APCDD1L: variants seen among roughly 807,000 people sequenced by gnomAD.
The protein encoded by APCDD1L is protein APCDD1-like.
A neutral mutation model predicts 24.2 loss-of-function variants in APCDD1L; 21 were observed. That is an observed-to-expected ratio of 0.87 (90% CI 0.61 to 1.25). The LOEUF is 1.25. Among genes scored for constraint, APCDD1L ranks in the 50% most tolerant of loss-of-function variants. APCDD1L has a pLI of 0.00. For missense variants in APCDD1L, 704 were observed against 711.7 expected (o/e 0.99, Z 0.12); for synonymous variants, 321 against 323.6 (o/e 0.99, Z 0.09).
Position 58,467,208 on chromosome 20 carries a change from G to C in APCDD1L, c.639C>G (p.Pro213=). ...RRLQPQPRAS[P]RLVEELYLGD... is the part of the protein sequence containing the mutation. The stretch of plus-strand genomic sequence containing the variant: ...CCAGGTACAGCTCCTCCACCAGCCG[G>C]GGCGACGCCCGGGGCTGCGGCTGCA... The change falls in exon 3 of 4, where the codon CCC becomes CCG. Residue 213 remains proline, a synonymous_variant. Transcript: ENST00000371149. This position sits in a 1 kb window ranked among gnomAD's most constrained non-coding sequence, Gnocchi z 5.9. 6.2e-7 allele frequency: 1 copy of C among 1,603,968 alleles called. No individual in the cohort carries two copies. The highest frequency in any genetic ancestry group is 8.5e-7 in the Non-Finnish European group (1 of 1,178,888).
At chr20:58,505,146 A>G (rs550935409) in intron 1 of APCDD1L, among the ~76,000 whole-genome samples, 89 of 152,072 alleles carry the variant, frequency 5.9e-4, no homozygotes, top group Non-Finnish European at 1.2e-3. Flanking sequence ...TTTTTATTTA[A>G]AAAAAGGATG....
At chr20:58,469,839 T>C (rs917868669) in intron 2 of APCDD1L, among the ~76,000 whole-genome samples, 1 of 152,328 alleles carries the variant, frequency 6.6e-6, no homozygotes, top group Non-Finnish European at 1.5e-5. Context: ...GGGACTGGCC[T>C]GGAGGGGATG....
At position 58,507,990 on chromosome 20, in the gene APCDD1L, T is replaced by A. The variant is rs560812900; in HGVS notation, c.49+6669A>T. Among the ~76,000 whole-genome samples the A allele has an allele frequency of 2.0e-5, 3 of 152,270 alleles. No individual in the cohort carries two copies. The East Asian group carries it at 5.8e-4, about 29-fold the overall frequency. On this transcript the variant is annotated intron_variant, in intron 1 of 3. Transcript: ENST00000371149. ...TAAGAAGTAATAATACAAGGGTTAG[T>A]GAAGATGTAAGAAATGAGTGCTCTC... is the stretch of plus-strand genomic sequence containing the variant.
At chr20:58,480,948 G>GT (rs1990013961) in intron 1 of APCDD1L, among the ~76,000 whole-genome samples, 1 of 152,222 alleles carries the variant, frequency 6.6e-6, no homozygotes, top group Non-Finnish European at 1.5e-5. Context: ...ATGTTCCGGT[G>GT]TTTTGGAGAC....
At position 58,494,276 on chromosome 20, in the gene APCDD1L, T is replaced by G. The variant is rs1990278193; in HGVS notation, c.49+20383A>C. Among the ~76,000 whole-genome samples the G allele has an allele frequency of 7.6e-6, 1 of 131,522 alleles. No individual in the cohort carries two copies. Among genetic ancestry groups the G allele is most frequent in the Non-Finnish European group, 1.6e-5 (1 of 61,090 alleles). The allele number at this position is 131,522 out of a possible 152,430, so 86.3% of individuals were successfully genotyped here. On this transcript the variant is annotated intron_variant, in intron 1 of 3. Transcript: ENST00000371149. The surrounding 1 kb of genome is among the most constrained non-coding windows in gnomAD (Gnocchi z 4.8). ...TCAACTGCATTTCTTTTTTCTTTTC[T>G]TTTCTTTTCTTACTTTTCTTTTCTC...
intron 1 of APCDD1L, among the ~76,000 whole-genome samples, chr20:58,489,611 G>C (rs1773895944): frequency 6.6e-6 from 1 of 151,838 alleles, no homozygotes; most frequent in Non-Finnish European, 1.5e-5. Context: ...TTGAACCTGG[G>C]AGGCAGAGGT....
intron 1 of APCDD1L, among the ~76,000 whole-genome samples, chr20:58,488,760 T>A (rs891450044): frequency 6.6e-6 from 1 of 152,134 alleles, no homozygotes; most frequent in Non-Finnish European, 1.5e-5. Context: ...TATGAGCATA[T>A]TGTTAAAAGA....
chr20:58,484,475 C>CT (rs796870809), intron 1 of APCDD1L, among the ~76,000 whole-genome samples: 104 of 151,570 alleles, frequency 6.9e-4, no homozygotes, highest in African/African-American at 2.0e-3. Context: ...TCTTTCTAGG[C>CT]TTTTTTTTTC....
rs1463956420 is a variant in APCDD1L at position 58,514,889 on chromosome 20, G to C, written c.-182C>G. ...CGCTCAGCCTTCCCGGCTGTTGATA[G>C]TTGTAAGCGGAGCTGCGCACTCATA... On this transcript the variant is annotated 5_prime_UTR_variant, in exon 1 of 4. Transcript: ENST00000371149. 4.8e-6 allele frequency: 2 copies of C among 417,282 alleles called. No individual in the cohort carries two copies. Among genetic ancestry groups the C allele is most frequent in the Non-Finnish European group, 8.0e-6 (2 of 248,558 alleles). The allele number at this position is 417,282 out of a possible 1,614,324, so 25.8% of individuals were successfully genotyped here.
intron 1 of APCDD1L, among the ~76,000 whole-genome samples, chr20:58,503,113 G>C (rs1291689101): frequency 6.6e-6 from 1 of 152,170 alleles, no homozygotes; most frequent in Non-Finnish European, 1.5e-5. Flanking sequence ...AAAGGTTGGG[G>C]GTGGGGTTTC....
intron 2 of APCDD1L, among the ~76,000 whole-genome samples, chr20:58,470,362 G>T (rs746288590): frequency 1.3e-5 from 2 of 152,210 alleles, no homozygotes; most frequent in Non-Finnish European, 2.9e-5. Context: ...CACTTAGCTC[G>T]TAATAGGTTT....
intron 1 of APCDD1L, among the ~76,000 whole-genome samples, chr20:58,502,393 A>C (rs1600876708): frequency 1.3e-5 from 2 of 152,290 alleles, no homozygotes; most frequent in Admixed American, 1.3e-4. Flanking sequence ...GAGACACCGC[A>C]TCTGGCCTTT....
chr20:58,485,311 A>G (rs1481532431), intron 1 of APCDD1L, among the ~76,000 whole-genome samples: 2 of 152,228 alleles, frequency 1.3e-5, no homozygotes, highest in African/African-American at 4.8e-5. Context: ...TCCTCCAAAA[A>G]TACTGTTTCA....
Position 58,470,743 on chromosome 20 carries a change from G to A in APCDD1L, c.54C>T (p.His18=). 1 of 1,536,456 alleles carries A rather than the reference G, an allele frequency of 6.5e-7. No individual in the cohort carries two copies. Among genetic ancestry groups the A allele is most frequent in the Non-Finnish European group, 8.7e-7 (1 of 1,146,080 alleles). ...YACVLVLLGA[H]TAPAAGEAGG... ...CGGCCTCCCCAGCCGCCGGTGCAGTGTGGGCTGCAAAGCAGACAGACCTGG... is the reference window on the plus strand; with the variant it reads ...CGGCCTCCCCAGCCGCCGGTGCAGTATGGGCTGCAAAGCAGACAGACCTGG... Residue 18 remains histidine (H), a synonymous_variant, in exon 2 of 4, where the codon CAC becomes CAT. Coordinates refer to ENST00000371149, the MANE Select transcript of APCDD1L (RefSeq NM_153360.3).
rs773647679 is a variant in APCDD1L, at chr20:58,461,222, G to A, written c.1074C>T (p.Ala358=). 2.5e-6 allele frequency: 4 copies of A among 1,613,538 alleles called. No individual in the cohort carries two copies. The highest frequency in any genetic ancestry group is 1.3e-5 in the African/African-American group (1 of 74,916). ...GTELVFEVTR[A]HVTPMDQVTT... ...TGACCTGGTCCATGGGGGTCACATGGGCCCGTGTGACCTCAAACACCAGCT... is the reference window on the plus strand; with the variant it reads ...TGACCTGGTCCATGGGGGTCACATGAGCCCGTGTGACCTCAAACACCAGCT... Residue 358 remains alanine (A), a synonymous_variant, in exon 4 of 4, where the codon GCC becomes GCT. Transcript: ENST00000371149. The surrounding 1 kb of genome is among the most constrained non-coding windows in gnomAD (Gnocchi z 6.0).
intron 1 of APCDD1L, among the ~76,000 whole-genome samples, chr20:58,472,932 C>T (rs1308309498): frequency 6.6e-6 from 1 of 152,220 alleles, no homozygotes; most frequent in Non-Finnish European, 1.5e-5. Flanking sequence ...GTCAACACCA[C>T]GTGCATGTGG....
At chr20:58,485,580 ACT>A (rs1199579727) in intron 1 of APCDD1L, among the ~76,000 whole-genome samples, 1 of 151,948 alleles carries the variant, frequency 6.6e-6, no homozygotes, top group African/African-American at 2.4e-5. Context: ...CACTGCCATC[ACT>A]CTGGCTCAAG....
Position 58,461,822 on chromosome 20 carries a change from T to A in APCDD1L, c.742-268A>T. 2.7e-6 allele frequency: 1 copy of A among 376,580 alleles called. No individual in the cohort carries two copies. Among genetic ancestry groups the A allele is most frequent in the Non-Finnish European group, 4.7e-6 (1 of 212,396 alleles). 23.3% of individuals were successfully genotyped at this position (376,580 alleles called of 1,614,324 possible). A position where few individuals can be genotyped will look rare whatever the true frequency, so the allele number is the denominator to read the frequency against. ...CCACCTGGAATTCCCCGCCAGCTCC[T>A]TCTTACCTCTTAGGTCTCAGCTGGG... On this transcript the variant is annotated intron_variant, in intron 3 of 3. Transcript: ENST00000371149. This position sits in a 1 kb window ranked among gnomAD's most constrained non-coding sequence, Gnocchi z 6.0.
Position 58,461,455 on chromosome 20 carries a change from C to G in APCDD1L, c.841G>C (p.Gly281Arg), listed in dbSNP as rs1399198105. ...PPPLALPLHLGGWWVSSGCEV... is the reference protein window; with the variant it reads ...PPPLALPLHLRGWWVSSGCEV... ...CACCCCGAGCTGACCCACCAGCCGC[C>G]CAGGTGCAGGGGCAGGGCCAGAGGG... Residue 281 changes from glycine (G) to arginine (R), a missense_variant, in exon 4 of 4, where the codon GGC (glycine) becomes CGC (arginine). Transcript: ENST00000371149. This position sits in a 1 kb window ranked among gnomAD's most constrained non-coding sequence, Gnocchi z 6.0. 5 of 1,499,920 alleles carry G rather than the reference C, an allele frequency of 3.3e-6. No individual in the cohort carries two copies. Among genetic ancestry groups the G allele is most frequent in the Non-Finnish European group, 4.5e-6 (5 of 1,121,842 alleles). 92.9% of individuals were successfully genotyped at this position (1,499,920 alleles called of 1,614,324 possible). A position where few individuals can be genotyped will look rare whatever the true frequency, so the allele number is the denominator to read the frequency against.
Sources: allele counts gnomAD v4.1 joint callset (sites outside exome capture counted in the v4.1 genomes callset), GRCh38; gene constraint gnomAD v4.1.1; non-coding constraint Gnocchi (gnomAD v3.1); transcripts MANE v1.5; gene names NCBI Gene and HGNC (gene_info 2026-07-23, HGNC 2026-07-21).